RPS6KC1: variants seen among roughly 807,000 people sequenced by gnomAD.
The protein encoded by RPS6KC1 is ribosomal protein S6 kinase C1.
Under a neutral mutation model 103.8 loss-of-function variants are expected in RPS6KC1, and 54 were observed. That is an observed-to-expected ratio of 0.52 (90% CI 0.42 to 0.65). RPS6KC1 has a LOEUF of 0.65. Among genes scored for constraint, RPS6KC1 ranks in the 30% least tolerant of loss-of-function variants. The pLI is 0.00. For synonymous variants in RPS6KC1, 439 were observed against 438.7 expected (o/e 1.00, Z -0.01); for missense variants, 1,151 against 1,253.8 (o/e 0.92, Z 1.24).
chr1:213,593,969 G>A, the RPS6KC1 span, among the ~76,000 whole-genome samples: 2 of 152,130 alleles, frequency 1.3e-5, no homozygotes, highest in African/African-American at 4.8e-5. Context: ...GGGTTCCAGC[G>A]ATGCTTGTGC....
the RPS6KC1 span, among the ~76,000 whole-genome samples, chr1:213,646,403 C>T: frequency 6.6e-6 from 1 of 152,082 alleles, no homozygotes; most frequent in Non-Finnish European, 1.5e-5. Context: ...AGCCTGGAGG[C>T]CAGTGGCCAA....
intron 6 of RPS6KC1, among the ~76,000 whole-genome samples, chr1:213,140,644 A>G (rs2086905709): frequency 6.6e-6 from 1 of 152,086 alleles, no homozygotes; most frequent in South Asian, 2.1e-4. Context: ...ACATTTATTG[A>G]TTTGCATCTG....
At chr1:213,349,911 A>G in the RPS6KC1 span, among the ~76,000 whole-genome samples, 1 of 152,162 alleles carries the variant, frequency 6.6e-6, no homozygotes, top group African/African-American at 2.4e-5. Flanking sequence ...TATGGTAAAT[A>G]TCAACATTTA....
At chr1:213,078,183 G>C (rs1443474658) in intron 3 of RPS6KC1, among the ~76,000 whole-genome samples, 5 of 142,116 alleles carry the variant, frequency 3.5e-5, no homozygotes, top group Non-Finnish European at 7.7e-5. Context: ...GAATGGTGTG[G>C]TTTTCTAGTA....
chr1:213,105,728 AT>A (rs2082424155), intron 4 of RPS6KC1, among the ~76,000 whole-genome samples: 2 of 152,224 alleles, frequency 1.3e-5, no homozygotes, highest in Non-Finnish European at 2.9e-5. Context: ...AATAAATGTG[AT>A]TTCTGCATAT....
chr1:213,260,191 C>G (rs1314926384), intron 12 of RPS6KC1, among the ~76,000 whole-genome samples: 1 of 152,182 alleles, frequency 6.6e-6, no homozygotes, highest in Non-Finnish European at 1.5e-5. Flanking sequence ...GACTTCGAGT[C>G]ATTCACATAC....
At chr1:213,352,459 G>T in the RPS6KC1 span, among the ~76,000 whole-genome samples, 1 of 152,140 alleles carries the variant, frequency 6.6e-6, no homozygotes, top group Non-Finnish European at 1.5e-5. Context: ...AGGGGGTGCT[G>T]GTGGCAAGAC....
chr1:213,824,864 G>A, the RPS6KC1 span, among the ~76,000 whole-genome samples: 1 of 152,172 alleles, frequency 6.6e-6, no homozygotes, highest in Non-Finnish European at 1.5e-5. Context: ...GTATGAAAAT[G>A]AACTAATACA....
chr1:213,683,936 A>G, the RPS6KC1 span, among the ~76,000 whole-genome samples: 1 of 152,150 alleles, frequency 6.6e-6, no homozygotes, highest in Non-Finnish European at 1.5e-5. Flanking sequence ...ACCACTTTAT[A>G]GCCATAACAA....
the RPS6KC1 span, among the ~76,000 whole-genome samples, chr1:213,779,061 A>G: frequency 6.6e-6 from 1 of 152,264 alleles, no homozygotes; most frequent in East Asian, 1.9e-4. Flanking sequence ...CACTCTAAGC[A>G]CCTGAGGAAT....
the RPS6KC1 span, among the ~76,000 whole-genome samples, chr1:213,405,019 A>G: frequency 6.6e-6 from 1 of 152,216 alleles, no homozygotes; most frequent in Non-Finnish European, 1.5e-5. Context: ...GCGTAACCCA[A>G]TCCCTCTTTC....
At chr1:213,415,744 A>G in the RPS6KC1 span, among the ~76,000 whole-genome samples, 1 of 152,180 alleles carries the variant, frequency 6.6e-6, no homozygotes. Context: ...CCATTATTAT[A>G]AAAAACTCCA....
chr1:213,206,116 A>C (rs2093342598), intron 8 of RPS6KC1, among the ~76,000 whole-genome samples: 1 of 152,182 alleles, frequency 6.6e-6, no homozygotes, highest in Admixed American at 6.5e-5. Flanking sequence ...AAGAGCTCAA[A>C]TTCCCTTAGT....
chr1:213,080,539 A>G (rs912179585), intron 3 of RPS6KC1, among the ~76,000 whole-genome samples: 1 of 152,214 alleles, frequency 6.6e-6, no homozygotes, highest in Non-Finnish European at 1.5e-5. Flanking sequence ...TGTATAGAAT[A>G]ATTCTCAAAG....
At chr1:213,667,767 G>C in the RPS6KC1 span, among the ~76,000 whole-genome samples, 4 of 152,288 alleles carry the variant, frequency 2.6e-5, no homozygotes, top group African/African-American at 9.6e-5. Context: ...CCCTGTTGCT[G>C]CTGTATTGCC....
At chr1:213,350,512 A>C in the RPS6KC1 span, among the ~76,000 whole-genome samples, 1 of 152,146 alleles carries the variant, frequency 6.6e-6, no homozygotes, top group Non-Finnish European at 1.5e-5. Context: ...GAGTGTTAGA[A>C]TCAGATTTCC....
intron 5 of RPS6KC1, among the ~76,000 whole-genome samples, chr1:213,128,594 A>G (rs1322408103): frequency 6.6e-6 from 1 of 152,160 alleles, no homozygotes; most frequent in East Asian, 1.9e-4. Context: ...ATTCAGTAGC[A>G]CCTATTACCT....
the RPS6KC1 span, among the ~76,000 whole-genome samples, chr1:213,511,446 T>C: frequency 6.6e-6 from 1 of 152,168 alleles, no homozygotes; most frequent in Non-Finnish European, 1.5e-5. Context: ...GGGAGAGGTG[T>C]CCTGTGAAGC....
the RPS6KC1 span, among the ~76,000 whole-genome samples, chr1:213,675,902 C>T: frequency 1.4e-4 from 22 of 152,088 alleles, 1 homozygote; most frequent in Admixed American, 1.3e-3. Context: ...AAAAAGTATA[C>T]ATCTAATATC....
Sources: allele counts gnomAD v4.1 joint callset (sites outside exome capture counted in the v4.1 genomes callset), GRCh38; gene constraint gnomAD v4.1.1; transcripts MANE v1.5; gene names NCBI Gene and HGNC (gene_info 2026-07-23, HGNC 2026-07-21).